The following TEX10 variants were observed in gnomAD, a reference collection of about 807,000 sequenced individuals.
TEX10 encodes the protein testis-expressed protein 10.
In TEX10, 24 loss-of-function variants were observed where a neutral mutation model predicts 104.4. The observed-to-expected ratio is 0.23, with a 90% CI of 0.17 to 0.32. The LOEUF (loss-of-function observed/expected upper bound fraction) is 0.32, where lower values mean the gene tolerates loss of function less well. Ranked by LOEUF, TEX10 falls within the 10% of genes least tolerant of loss-of-function variation. TEX10 has a pLI of 1.00. For synonymous variants in TEX10, 396 were observed against 393.4 expected (o/e 1.01, Z -0.08); for missense variants, 921 against 1,083.9 (o/e 0.85, Z 2.11).
chr9:100,346,892 C>T lies in TEX10; in HGVS notation c.695G>A (p.Ser232Asn), dbSNP rs1235691348. 18 of 1,614,084 alleles carry T rather than the reference C, an allele frequency of 1.1e-5. No homozygotes were observed. Among genetic ancestry groups the T allele is most frequent in the African/African-American group, 1.3e-5 (1 of 74,934 alleles). Residue 232 changes from serine (S) to asparagine (N), a missense_variant, in exon 3 of 15, where the codon AGT (serine) becomes AAT (asparagine). Physicochemically the swap from Ser to Asn is conservative, Grantham distance 46. Coordinates refer to ENST00000374902, the MANE Select transcript of TEX10 (RefSeq NM_017746.4). ...QWRLKVLVRL[S>N]KFLQALADGS... Reference sequence around the variant, plus strand: ...ATCTGCCAAGGCCTGAAGGAATTTACTGAGTCTCACTAAGACTTTCAGCCT... The same window carrying T: ...ATCTGCCAAGGCCTGAAGGAATTTATTGAGTCTCACTAAGACTTTCAGCCT...
chr9:100,352,162 G>A (rs1471866728), intron 1 of TEX10, among the ~76,000 whole-genome samples: 3 of 152,048 alleles, frequency 2.0e-5, no homozygotes, highest in Non-Finnish European at 2.9e-5. Flanking sequence ...GAGAACGATC[G>A]TACTGCACTC....
chr9:100,332,039 G>A (rs1457494686), intron 5 of TEX10, among the ~76,000 whole-genome samples: 2 of 152,176 alleles, frequency 1.3e-5, no homozygotes, highest in Admixed American at 1.3e-4. Flanking sequence ...TTAATTCTAC[G>A]TTGGATATGT....
intron 9 of TEX10, among the ~76,000 whole-genome samples, 155 bp downstream of exon 9, chr9:100,326,147 G>T (rs1834699384): frequency 6.6e-6 from 1 of 152,164 alleles, no homozygotes; most frequent in South Asian, 2.1e-4. Flanking sequence ...TTACTCTTGT[G>T]AACTTACTCT....
rs746317858 is a variant in TEX10 at position 100,310,357 on chromosome 9, A to G, written c.2225T>C (p.Val742Ala). The G allele has an allele frequency of 1.2e-6, 2 of 1,614,068 alleles. No individual in the cohort carries two copies. Among genetic ancestry groups the G allele is most frequent in the South Asian group, 2.2e-5 (2 of 91,044 alleles). The part of the protein sequence containing the change: ...VTEAVFHSLL[V>A]IPARSQNFDI... ...AAAGTTCTGACTTCGGGCAGGAATA[A>G]CCAATAAACTGTGAAAAACTGCCTG... is the stretch of plus-strand genomic sequence containing the variant. The change falls in exon 12 of 15, where the codon GTT (valine) becomes GCT (alanine). Residue 742 changes from valine (V) to alanine (A), a missense_variant. By Grantham distance (64) the Val-to-Ala change is moderately conservative (BLOSUM62 0). Around this residue, in one of 3 missense-constraint regions of TEX10, gnomAD observed 753 missense variants for 868.4 expected, o/e 0.87. Coordinates refer to ENST00000374902, the MANE Select transcript of TEX10 (RefSeq NM_017746.4).
rs35109045 is a variant in TEX10, at chr9:100,303,438, A to ACC, written c.2676+192_2676+193dup. ...TTACTAATTCTGGAATCACAGACAC[A>ACC]CCCCCCCCCCCATTAAGTCACAGTC... On this transcript the variant is annotated intron_variant, in intron 14 of 14. Coordinates refer to ENST00000374902, the MANE Select transcript of TEX10 (RefSeq NM_017746.4). Among the ~76,000 whole-genome samples, 193 of 133,956 alleles carry ACC rather than the reference A, an allele frequency of 1.4e-3. 3 individuals carry two copies. The highest frequency in any genetic ancestry group is 3.8e-3 in the Middle Eastern group (1 of 262). The allele number at this position is 133,956 out of a possible 152,430, so 87.9% of individuals were successfully genotyped here.
chr9:100,326,163 G>T, intron 9 of TEX10, 139 bp downstream of exon 9: 1 of 838,736 alleles, frequency 1.2e-6, no homozygotes, highest in Non-Finnish European at 1.8e-6. Flanking sequence ...ACTCTACCTA[G>T]TGATATAGTT....
intron 2 of TEX10, among the ~76,000 whole-genome samples, chr9:100,348,196 T>G (rs1368251281): frequency 6.6e-6 from 1 of 152,246 alleles, no homozygotes; most frequent in African/African-American, 2.4e-5. Context: ...ATGATTTCAT[T>G]TATATGCACT....
chr9:100,317,949 G>C (rs1166938622), intron 11 of TEX10, among the ~76,000 whole-genome samples: 1 of 152,080 alleles, frequency 6.6e-6, no homozygotes, highest in African/African-American at 2.4e-5. Flanking sequence ...ATACCAGTCA[G>C]AATGGCTATT....
chr9:100,318,773 C>T (rs1246488648), intron 11 of TEX10, among the ~76,000 whole-genome samples: 1 of 152,186 alleles, frequency 6.6e-6, no homozygotes, highest in Admixed American at 6.5e-5. Context: ...CAATTTAAAA[C>T]ATGTCAGCAG....
At chr9:100,336,087 A>G (rs1224838271) in intron 5 of TEX10, among the ~76,000 whole-genome samples, 1 of 152,064 alleles carries the variant, frequency 6.6e-6, no homozygotes, top group African/African-American at 2.4e-5. Context: ...GAATTGCTTG[A>G]ACTCAGGAGG....
At chr9:100,344,143 T>C (rs1835242775) in intron 4 of TEX10, among the ~76,000 whole-genome samples, 1 of 152,310 alleles carries the variant, frequency 6.6e-6, no homozygotes, top group African/African-American at 2.4e-5. Flanking sequence ...ATTCTACCAG[T>C]GGATGTTTTT....
At chr9:100,314,796 T>C (rs1006109000) in intron 11 of TEX10, among the ~76,000 whole-genome samples, 1 of 152,188 alleles carries the variant, frequency 6.6e-6, no homozygotes, top group Non-Finnish European at 1.5e-5. Flanking sequence ...TTCCCTGAAG[T>C]GCAACGTTAG....
intron 4 of TEX10, among the ~76,000 whole-genome samples, chr9:100,343,147 T>A (rs2417083): frequency 0.45 from 67,491 of 149,292 alleles, 16,844 homozygotes; most frequent in East Asian, 0.89. Flanking sequence ...CAAAAAAAAA[T>A]AAATAAAAAT....
Position 100,347,013 on chromosome 9 carries a change from G to A in TEX10, c.574C>T (p.His192Tyr), listed in dbSNP as rs1835316192. The A allele has an allele frequency of 6.2e-7, 1 of 1,614,154 alleles. No homozygotes were observed. Among genetic ancestry groups the A allele is most frequent in the Non-Finnish European group, 8.5e-7 (1 of 1,180,004 alleles). The stretch of plus-strand genomic sequence containing the variant: ...ATCAGTCCTTTGGACAGCTGCTGAT[G>A]AGAAATAAGTTCTACAAAATTCTTA... ...LLKNFVELISHQQLSKGLINR... is the reference protein window; with the variant it reads ...LLKNFVELISYQQLSKGLINR... Residue 192 changes from histidine to tyrosine, a missense_variant, in exon 3 of 15, where the codon CAT becomes TAT. Around this residue, in one of 3 missense-constraint regions of TEX10, gnomAD observed 753 missense variants for 868.4 expected, o/e 0.87. Transcript: ENST00000374902.
intron 4 of TEX10, among the ~76,000 whole-genome samples, chr9:100,341,516 AT>A (rs749438979): frequency 0.45 from 68,960 of 151,952 alleles, 17,335 homozygotes; most frequent in East Asian, 0.89. Flanking sequence ...CACTGGCATC[AT>A]CCTTGACTCC....
At chr9:100,352,318 C>G in intron 1 of TEX10, 15 of 1,543,152 alleles carry the variant, frequency 9.7e-6, no homozygotes, top group Non-Finnish European at 1.2e-5. Context: ...CCCTTCCGCT[C>G]GCTTAACTCT....
At chr9:100,303,433 GAC>G (rs1357778999) in intron 14 of TEX10, among the ~76,000 whole-genome samples, 197 bp downstream of exon 14, 1 of 103,578 alleles carries the variant, frequency 9.7e-6, no homozygotes, top group African/African-American at 4.8e-5. Flanking sequence ...TGGAATCACA[GAC>G]ACACCCCCCC....
intron 5 of TEX10, among the ~76,000 whole-genome samples, chr9:100,339,274 A>AAAAAAAAAATATATAT (rs1835101688): frequency 2.2e-5 from 2 of 91,702 alleles, no homozygotes; most frequent in African/African-American, 9.2e-5. Flanking sequence ...AAAAAAAAAA[A>AAAAAAAAAATATATAT]GTATATATAT....
intron 9 of TEX10, among the ~76,000 whole-genome samples, chr9:100,322,754 T>C (rs557293302): frequency 1.3e-5 from 2 of 152,238 alleles, no homozygotes; most frequent in Admixed American, 1.3e-4. Context: ...TAGCTGGGAT[T>C]ATAGACGTGC....
Sources: gnomAD v4.1 joint callset for allele counts (sites outside exome capture counted in the v4.1 genomes callset) on GRCh38, gnomAD v4.1.1 for gene constraint, gnomAD v4.1.1 regional missense constraint, MANE v1.5 for transcripts, NCBI Gene and HGNC (gene_info 2026-07-23, HGNC 2026-07-21) for gene names.